RNF150: variants seen among roughly 807,000 people sequenced by gnomAD.
RNF150 encodes ring finger protein 150.
Under a neutral mutation model 39.3 loss-of-function variants are expected in RNF150, and 24 were observed. The ratio of observed to expected loss-of-function variants is 0.61; its 90% CI spans 0.44 to 0.86. RNF150 has a LOEUF of 0.86. Among genes scored for constraint, RNF150 ranks in the 40% least tolerant of loss-of-function variants. RNF150 has a pLI of 0.00. For missense variants in RNF150, 502 were observed against 587.8 expected (o/e 0.85, Z 1.51); for synonymous variants, 255 against 227.3 (o/e 1.12, Z -1.10).
intron 6 of RNF150, among the ~76,000 whole-genome samples, chr4:140,908,885 G>A (rs1730489597): frequency 6.6e-6 from 1 of 152,150 alleles, no homozygotes; most frequent in African/African-American, 2.4e-5. Flanking sequence ...GAATCTGACA[G>A]ATGACGTATC....
At chr4:140,910,071 G>C (rs1730534537) in intron 6 of RNF150, among the ~76,000 whole-genome samples, 1 of 151,916 alleles carries the variant, frequency 6.6e-6, no homozygotes, top group Non-Finnish European at 1.5e-5. Flanking sequence ...TCTTTTTTTA[G>C]TCTGTTCTTT....
At chr4:140,999,197 C>A (rs1003371852) in intron 1 of RNF150, among the ~76,000 whole-genome samples, 8 of 152,354 alleles carry the variant, frequency 5.3e-5, no homozygotes, top group African/African-American at 1.7e-4. Flanking sequence ...ACTATGACAA[C>A]TCCTGTTGTT....
intron 1 of RNF150, among the ~76,000 whole-genome samples, chr4:141,206,554 T>A (rs1020932585): frequency 6.6e-6 from 1 of 151,700 alleles, no homozygotes; most frequent in African/African-American, 2.4e-5. Flanking sequence ...ATAAATTAGA[T>A]ACCAATAGAT....
At chr4:141,186,410 GT>G (rs370226202) in intron 1 of RNF150, among the ~76,000 whole-genome samples, 5 of 151,808 alleles carry the variant, frequency 3.3e-5, no homozygotes, top group Non-Finnish European at 5.9e-5. Flanking sequence ...TTTTAGTCTT[GT>G]TTTTTTGAGA....
chr4:141,038,412 G>A (rs58304251), intron 1 of RNF150, among the ~76,000 whole-genome samples: 92 of 152,182 alleles, frequency 6.0e-4, no homozygotes, highest in East Asian at 3.5e-3. Flanking sequence ...AATCTCGACC[G>A]GGCATGGTGG....
chr4:140,902,636 A>C (rs969286390), intron 6 of RNF150, among the ~76,000 whole-genome samples: 5 of 152,150 alleles, frequency 3.3e-5, no homozygotes, highest in African/African-American at 7.2e-5. Flanking sequence ...ATTTTGGCTT[A>C]AATAACATGC....
At chr4:141,159,505 C>A (rs1727474981) in intron 1 of RNF150, among the ~76,000 whole-genome samples, 1 of 151,806 alleles carries the variant, frequency 6.6e-6, no homozygotes. Flanking sequence ...GTTTGCTGAC[C>A]CCTAATTGTT....
chr4:140,961,308 T>C (rs1733014747), intron 2 of RNF150, among the ~76,000 whole-genome samples: 1 of 152,174 alleles, frequency 6.6e-6, no homozygotes, highest in Non-Finnish European at 1.5e-5. Flanking sequence ...GCCATGATTA[T>C]GTAAGATGCT....
At chr4:141,128,388 CA>C (rs1167755773) in intron 1 of RNF150, among the ~76,000 whole-genome samples, 1 of 152,172 alleles carries the variant, frequency 6.6e-6, no homozygotes, top group African/African-American at 2.4e-5. Flanking sequence ...AAAGTAGTGC[CA>C]CCAGGACACA....
In RNF150 at chr4:141,112,919, G is replaced by A. The variant is rs557390994; in HGVS notation, c.484+19406C>T. 1.5e-3 allele frequency among the ~76,000 whole-genome samples: 225 copies of A among 151,968 alleles called. 2 individuals carry two copies. The highest frequency in any genetic ancestry group is 2.7e-3 in the Non-Finnish European group (183 of 67,964). Reference sequence around the variant, plus strand: ...CCCATATTTCTTGGAGGCTTTGTTCGTTCGTTTTCATTCTTTTTTCTCTAA... The same window carrying A: ...CCCATATTTCTTGGAGGCTTTGTTCATTCGTTTTCATTCTTTTTTCTCTAA... On this transcript the variant is annotated intron_variant, in intron 1 of 6. Transcript: ENST00000515673.
intron 1 of RNF150, among the ~76,000 whole-genome samples, chr4:141,033,950 T>G (rs1262666909): frequency 6.6e-6 from 1 of 152,166 alleles, no homozygotes; most frequent in Admixed American, 6.6e-5. Context: ...ATCTTCAGAA[T>G]GCTAAATGAG....
chr4:141,117,451 T>C (rs1177833470), intron 1 of RNF150, among the ~76,000 whole-genome samples: 1 of 152,180 alleles, frequency 6.6e-6, no homozygotes, highest in Non-Finnish European at 1.5e-5. Flanking sequence ...TGTACAGGTG[T>C]GTAGCCTAAA....
chr4:140,980,772 T>C (rs976051478), intron 1 of RNF150, among the ~76,000 whole-genome samples: 2 of 152,168 alleles, frequency 1.3e-5, no homozygotes, highest in African/African-American at 4.8e-5. Context: ...TCCCCAGCCC[T>C]ATGGAACTGA....
intron 1 of RNF150, chr4:141,053,773 G>A (rs1319317186): frequency 2.7e-6 from 3 of 1,097,272 alleles, no homozygotes; most frequent in East Asian, 3.1e-5. Context: ...CGAGATAAGT[G>A]ATCCAGCTTC....
In RNF150 at chr4:141,042,046, TTGA is replaced by T. The variant is rs1232065259; in HGVS notation, c.485-74176_485-74174del. Among the ~76,000 whole-genome samples, 7 of 152,068 alleles carry T rather than the reference TTGA, an allele frequency of 4.6e-5. No homozygotes were observed. In the East Asian group the frequency reaches 1.2e-3, roughly 25 times the overall value. ...AGATGACTATTTTCTCAATGAAAAG[TTGA>T]TGATTCAAGAATATAAAATCATCAG... On this transcript the variant is annotated intron_variant, in intron 1 of 6. Coordinates refer to ENST00000515673, the MANE Select transcript of RNF150 (RefSeq NM_020724.2).
intron 1 of RNF150, among the ~76,000 whole-genome samples, chr4:141,050,837 G>T (rs897738512): frequency 6.6e-6 from 1 of 152,188 alleles, no homozygotes; most frequent in Non-Finnish European, 1.5e-5. Context: ...CTCAGGTCTG[G>T]AGAATAGCAA....
intron 1 of RNF150, among the ~76,000 whole-genome samples, chr4:141,191,053 A>G (rs530255704): frequency 6.6e-6 from 1 of 152,232 alleles, no homozygotes; most frequent in Non-Finnish European, 1.5e-5. Flanking sequence ...TAAGGACTTA[A>G]GCCTTCCATG....
At chr4:141,026,004 C>T (rs1235014821) in intron 1 of RNF150, among the ~76,000 whole-genome samples, 1 of 152,142 alleles carries the variant, frequency 6.6e-6, no homozygotes, top group Non-Finnish European at 1.5e-5. Flanking sequence ...TGCTTCCTCT[C>T]TATCTGCCAT....
chr4:141,034,341 C>A lies in RNF150; in HGVS notation c.485-66468G>T, dbSNP rs995174884. 2.0e-5 allele frequency among the ~76,000 whole-genome samples: 3 copies of A among 152,168 alleles called. No homozygotes were observed. In the South Asian group the frequency reaches 6.2e-4, roughly 32 times the overall value. Reference sequence around the variant, plus strand: ...TCCTACCATTGAAGAGAATTAGGGTCTTGCTCTGGATTAGGCTTTGGCTTA... The same window carrying A: ...TCCTACCATTGAAGAGAATTAGGGTATTGCTCTGGATTAGGCTTTGGCTTA... On this transcript the variant is annotated intron_variant, in intron 1 of 6. Coordinates refer to ENST00000515673, the MANE Select transcript of RNF150 (RefSeq NM_020724.2).
Sources: allele counts gnomAD v4.1 joint callset (sites outside exome capture counted in the v4.1 genomes callset), GRCh38; gene constraint gnomAD v4.1.1; transcripts MANE v1.5; gene names NCBI Gene and HGNC (gene_info 2026-07-23, HGNC 2026-07-21).